The following USP49 variants were observed in gnomAD, a reference collection of about 807,000 sequenced individuals.
The protein encoded by USP49 is ubiquitin specific peptidase 49.
In USP49, 24 loss-of-function variants were observed where a neutral mutation model predicts 58.6. The observed-to-expected ratio is 0.41, with a 90% CI of 0.30 to 0.58. The LOEUF is 0.58. Among genes scored for constraint, USP49 ranks in the 20% least tolerant of loss-of-function variants. The pLI is 0.30. For synonymous variants in USP49, 408 were observed against 365.1 expected (o/e 1.12, Z -1.34); for missense variants, 703 against 866.1 (o/e 0.81, Z 2.36).
At chr6:41,826,534 T>C (rs538097161) in intron 3 of USP49, among the ~76,000 whole-genome samples, 24 of 152,254 alleles carry the variant, frequency 1.6e-4, no homozygotes, top group African/African-American at 5.3e-4. Context: ...AGCAGGACTG[T>C]TGAGGTGATG....
chr6:41,806,628 G>A lies in USP49; in HGVS notation c.356C>T (p.Ser119Phe). Residue 119 changes from serine (S) to phenylalanine (F), a missense_variant, in exon 4 of 8, where the codon TCC (serine) becomes TTC (phenylalanine). Coordinates refer to ENST00000682992, the MANE Select transcript of USP49 (RefSeq NM_001286554.2). The surrounding 1 kb of genome is among the most constrained non-coding windows in gnomAD (Gnocchi z 5.9). ...GACCACGTCCTCACCCGAAGCCATGGACCGCAGCGTCCGCCCACGTCTCAC... is the reference window on the plus strand; with the variant it reads ...GACCACGTCCTCACCCGAAGCCATGAACCGCAGCGTCCGCCCACGTCTCAC... Reference protein sequence around the residue: ...TPVRRGRTLRSMASGEDVVLP... With the variant: ...TPVRRGRTLRFMASGEDVVLP... 6.2e-7 allele frequency: 1 copy of A among 1,612,540 alleles called. No homozygotes were observed. Among genetic ancestry groups the A allele is most frequent in the Non-Finnish European group, 8.5e-7 (1 of 1,179,798 alleles).
intron 6 of USP49, 36 bp from the exon 7 acceptor site, chr6:41,798,965 C>G (rs1399607368): frequency 1.2e-6 from 2 of 1,602,240 alleles, no homozygotes; most frequent in African/African-American, 1.4e-5. Flanking sequence ...CTAGTAAAAA[C>G]TGGCATATAT....
chr6:41,895,133 G>A (rs1278766088), intron 1 of USP49, among the ~76,000 whole-genome samples, 191 bp downstream of exon 1: 3 of 149,078 alleles, frequency 2.0e-5, no homozygotes, highest in Non-Finnish European at 3.0e-5. Flanking sequence ...CCCTCACCCG[G>A]TGTGTGAGGA....
intron 3 of USP49, among the ~76,000 whole-genome samples, chr6:41,819,424 A>G (rs140229427): frequency 1.9e-4 from 29 of 152,224 alleles, no homozygotes; most frequent in African/African-American, 7.0e-4. Flanking sequence ...ATGCCTCTCT[A>G]ACGCCATGTT....
chr6:41,823,524 C>G (rs1490457998), intron 3 of USP49, among the ~76,000 whole-genome samples: 2 of 152,232 alleles, frequency 1.3e-5, no homozygotes, highest in African/African-American at 2.4e-5. Context: ...AAGCCGATGA[C>G]TGCAAAATGC....
At position 41,805,813 on chromosome 6, in the gene USP49, C is replaced by T; in HGVS notation, c.1171G>A (p.Ala391Thr). 1 of 1,614,046 alleles carries T rather than the reference C, an allele frequency of 6.2e-7. No individual in the cohort carries two copies. Among genetic ancestry groups the T allele is most frequent in the Non-Finnish European group, 8.5e-7 (1 of 1,180,012 alleles). The change falls in exon 4 of 8, where the codon GCC becomes ACC. Residue 391 changes from alanine to threonine, a missense_variant. Physicochemically the swap from Ala to Thr is moderately conservative, Grantham distance 58. Around this residue, in one of 6 missense-constraint regions of USP49, gnomAD observed 66 missense variants for 116.0 expected, o/e 0.57. Coordinates refer to ENST00000682992, the MANE Select transcript of USP49 (RefSeq NM_001286554.2). ...TCCTGTTGGTCGTAGCCGCGGAAGG[C>T]AGGGATCAGGCTCCACACTGAGTGG... ...MLHSVWSLIP[A>T]FRGYDQQDAQ...
chr6:41,854,143 C>A (rs1358727339), intron 3 of USP49, among the ~76,000 whole-genome samples: 1 of 151,232 alleles, frequency 6.6e-6, no homozygotes, highest in African/African-American at 2.4e-5. Context: ...ATGGTGAAAC[C>A]CCACCTCTAC....
intron 2 of USP49, among the ~76,000 whole-genome samples, chr6:41,875,838 T>C (rs932699367): frequency 6.6e-5 from 10 of 152,090 alleles, no homozygotes; most frequent in Admixed American, 6.6e-5. Context: ...TTCAAGTGAT[T>C]CTCCTGCCTC....
intron 3 of USP49, among the ~76,000 whole-genome samples, chr6:41,844,065 C>T (rs1447356227): frequency 6.7e-6 from 1 of 149,248 alleles, no homozygotes; most frequent in Non-Finnish European, 1.5e-5. Flanking sequence ...TAAATAAATA[C>T]AAAAAATCAG....
At chr6:41,853,651 G>A (rs1441411540) in intron 3 of USP49, among the ~76,000 whole-genome samples, 1 of 152,128 alleles carries the variant, frequency 6.6e-6, no homozygotes, top group Non-Finnish European at 1.5e-5. Context: ...CAAAGAACCT[G>A]GATAGGTAAG....
At chr6:41,843,812 G>A (rs188290068) in intron 3 of USP49, among the ~76,000 whole-genome samples, 67 of 152,210 alleles carry the variant, frequency 4.4e-4, no homozygotes, top group Non-Finnish European at 6.5e-4. Flanking sequence ...GGGAAGCTGC[G>A]GCGGGCAGAT....
intron 2 of USP49, among the ~76,000 whole-genome samples, chr6:41,873,844 A>G (rs1003326015): frequency 6.6e-6 from 1 of 152,264 alleles, no homozygotes; most frequent in Non-Finnish European, 1.5e-5. Context: ...AAATTATAAT[A>G]AATCAGCTCA....
intron 3 of USP49, among the ~76,000 whole-genome samples, chr6:41,843,897 A>T (rs1349649019): frequency 6.6e-6 from 1 of 152,142 alleles, no homozygotes; most frequent in African/African-American, 2.4e-5. Flanking sequence ...TACAAAAATT[A>T]GCCATGCCTG....
Position 41,848,994 on chromosome 6 carries a change from G to A in USP49, c.-29+22570C>T, listed in dbSNP as rs573997928. On this transcript the variant is annotated intron_variant, in intron 3 of 7. Transcript: ENST00000682992. ...AATTACAGGCAGGAGCCACCATGCT[G>A]GGCCAGTAATTAACTTTAAATGTAA... Among the ~76,000 whole-genome samples, 27 of 152,230 alleles carry A rather than the reference G, an allele frequency of 1.8e-4. No individual in the cohort carries two copies. In the East Asian group the frequency reaches 3.5e-3, roughly 20 times the overall value.
rs543670274 is a variant in USP49 at position 41,812,855 on chromosome 6, G to A, written c.-28-5844C>T. 2.0e-5 allele frequency among the ~76,000 whole-genome samples: 3 copies of A among 152,062 alleles called. No individual in the cohort carries two copies. In the South Asian group the frequency reaches 6.2e-4, roughly 32 times the overall value. On this transcript the variant is annotated intron_variant, in intron 3 of 7. Coordinates refer to ENST00000682992, the MANE Select transcript of USP49 (RefSeq NM_001286554.2). ...ATATTCTCTATATATCAATGAGAGG[G>A]ATATCAATATTTTCTATCTGTATAT...
chr6:41,801,146 T>A (rs1166509545), intron 5 of USP49, among the ~76,000 whole-genome samples: 3 of 152,130 alleles, frequency 2.0e-5, no homozygotes, highest in Non-Finnish European at 4.4e-5. Context: ...GGAAATAGAG[T>A]TCTCTTAGTT....
At chr6:41,882,599 C>T (rs1231416126) in intron 2 of USP49, among the ~76,000 whole-genome samples, 3 of 150,206 alleles carry the variant, frequency 2.0e-5, no homozygotes, top group African/African-American at 7.4e-5. Context: ...GTGACTACAT[C>T]AAAATCAAGA....
intron 6 of USP49, among the ~76,000 whole-genome samples, chr6:41,799,269 C>A (rs1044759705): frequency 4.6e-5 from 7 of 152,000 alleles, no homozygotes; most frequent in African/African-American, 1.5e-4. Flanking sequence ...CCATGCCTGG[C>A]TAATTTTTGC....
chr6:41,794,298 A>G lies in USP49; in HGVS notation c.*2235T>C, dbSNP rs1451504042. 6.6e-6 allele frequency: 1 copy of G among 152,246 alleles called. No homozygotes were observed. The highest frequency in any genetic ancestry group is 2.4e-5 in the African/African-American group (1 of 41,456). The allele number at this position is 152,246 out of a possible 1,614,324, so 9.4% of individuals were successfully genotyped here. On this transcript the variant is annotated 3_prime_UTR_variant, in exon 8 of 8. Coordinates refer to ENST00000682992, the MANE Select transcript of USP49 (RefSeq NM_001286554.2). Reference sequence around the variant, plus strand: ...AAGCACTTATTTCACAAAGTCCTTAATCTGCTTAATAAATCCTTATAATAT... The same window carrying G: ...AAGCACTTATTTCACAAAGTCCTTAGTCTGCTTAATAAATCCTTATAATAT...
Sources: gnomAD v4.1 joint callset for allele counts (sites outside exome capture counted in the v4.1 genomes callset) on GRCh38, gnomAD v4.1.1 for gene constraint, gnomAD v4.1.1 regional missense constraint, Gnocchi (gnomAD v3.1) non-coding constraint, MANE v1.5 for transcripts, NCBI Gene and HGNC (gene_info 2026-07-23, HGNC 2026-07-21) for gene names.